CASK: variants seen among roughly 807,000 people sequenced by gnomAD.
The protein encoded by CASK is calcium/calmodulin dependent serine protein kinase.
CASK carries 4 observed loss-of-function variants against 82.9 expected under a neutral mutation model. The ratio of observed to expected loss-of-function variants is 0.05; its 90% CI spans 0.02 to 0.11. CASK has a LOEUF of 0.11. Ranked by LOEUF, CASK falls within the 10% of genes least tolerant of loss-of-function variation. CASK has a pLI of 1.00. For missense variants in CASK, 358 were observed against 720.9 expected (o/e 0.50, Z 5.76); for synonymous variants, 259 against 253.5 (o/e 1.02, Z -0.20).
chrX:41,914,728 C>T (rs2072641785), intron 1 of CASK, among the ~76,000 whole-genome samples: 1 of 112,116 alleles, frequency 8.9e-6, no homozygotes, highest in Non-Finnish European at 1.9e-5. Context: ...GACAGTCATG[C>T]ACAAGCTCGG....
At chrX:41,800,832 G>GA (rs1361313536) in intron 2 of CASK, among the ~76,000 whole-genome samples, 1 of 111,543 alleles carries the variant, frequency 9.0e-6, no homozygotes, top group African/African-American at 3.3e-5. Context: ...ATTTTAATTG[G>GA]ATCAGACTAT....
intron 2 of CASK, among the ~76,000 whole-genome samples, chrX:41,818,319 A>AGG (rs2070455146): frequency 9.0e-6 from 1 of 110,883 alleles, no homozygotes; most frequent in East Asian, 2.8e-4. Context: ...ATAAAACTAC[A>AGG]GGGCTGGGTG....
chrX:41,543,150 A>C (rs997056594), intron 21 of CASK, among the ~76,000 whole-genome samples: 1 of 112,370 alleles, frequency 8.9e-6, no homozygotes, highest in Non-Finnish European at 1.9e-5. Context: ...TGAGCACTTA[A>C]TGTTAGACAC....
rs1232433644 is a variant in CASK, at chrX:41,854,222, GCGCACACACA to G, written c.60-1005_60-996del. ...GGAACATGCGCGCGCGCGCGGGCGCGCGCACACACACACACACACACACACACACACACAC... is the reference window on the plus strand; with the variant it reads ...GGAACATGCGCGCGCGCGCGGGCGCGCACACACACACACACACACACACAC... On this transcript the variant is annotated intron_variant, in intron 1 of 26. Transcript: ENST00000378163. Among the ~76,000 whole-genome samples, 805 of 83,469 alleles carry G rather than the reference GCGCACACACA, an allele frequency of 9.6e-3. 10 individuals are homozygous for G. The highest frequency in any genetic ancestry group is 0.038 in the African/African-American group (762 of 20,095). The allele number at this position is 83,469 out of a possible 115,157, so 72.5% of individuals were successfully genotyped here. A position where few individuals can be genotyped will look rare whatever the true frequency, so the allele number is the denominator to read the frequency against.
chrX:41,803,145 G>GA (rs2070037683), intron 2 of CASK, among the ~76,000 whole-genome samples: 1 of 111,509 alleles, frequency 9.0e-6, no homozygotes, highest in African/African-American at 3.3e-5. Context: ...AACTTACAAT[G>GA]AAACAGATGA....
chrX:41,589,602 A>G lies in CASK; in HGVS notation c.1156-10T>C, dbSNP rs764423285. ...TAATTTTGTCATACAGCTAAAAAGC[A>G]AAGAAGAAAATCCAGTAAACACTCA... On this transcript the variant is annotated splice_polypyrimidine_tract_variant and intron_variant, in intron 12 of 26. Transcript: ENST00000378163. The G allele has an allele frequency of 8.8e-7, 1 of 1,138,063 alleles. No individual in the cohort carries two copies. The highest frequency in any genetic ancestry group is 1.2e-6 in the Non-Finnish European group (1 of 829,010). The allele number at this position is 1,138,063 out of a possible 1,213,427, so 93.8% of individuals were successfully genotyped here.
intron 13 of CASK, among the ~76,000 whole-genome samples, chrX:41,588,966 T>C (rs947568211): frequency 8.9e-6 from 1 of 111,995 alleles, no homozygotes; most frequent in Non-Finnish European, 1.9e-5. Context: ...GAAAACGATA[T>C]ATAAAAATGG....
chrX:41,821,791 C>G (rs1254445171), intron 2 of CASK, among the ~76,000 whole-genome samples: 1 of 111,936 alleles, frequency 8.9e-6, no homozygotes, highest in Non-Finnish European at 1.9e-5. Flanking sequence ...CAATATTTGC[C>G]CTTGGAACTC....
At chrX:41,753,250 T>G (rs2068827682) in intron 3 of CASK, among the ~76,000 whole-genome samples, 1 of 111,463 alleles carries the variant, frequency 9.0e-6, no homozygotes, top group Non-Finnish European at 1.9e-5. Context: ...TCTTTTTACC[T>G]TTACTTTTAA....
intron 5 of CASK, among the ~76,000 whole-genome samples, chrX:41,726,330 A>G (rs1465792046): frequency 8.9e-6 from 1 of 112,011 alleles, no homozygotes; most frequent in Admixed American, 9.4e-5. Context: ...AGGACATTTT[A>G]AATATTCTTT....
intron 15 of CASK, among the ~76,000 whole-genome samples, chrX:41,571,285 C>A (rs2065408529): frequency 9.0e-6 from 1 of 111,533 alleles, no homozygotes; most frequent in South Asian, 3.7e-4. Flanking sequence ...CCAGTGAAGC[C>A]ATCTTGACCT....
At chrX:41,886,169 T>C (rs973616117) in intron 1 of CASK, among the ~76,000 whole-genome samples, 1 of 111,783 alleles carries the variant, frequency 8.9e-6, no homozygotes, top group African/African-American at 3.2e-5. Context: ...ATTCAAGTCT[T>C]AGTGCCTAGG....
intron 8 of CASK, among the ~76,000 whole-genome samples, chrX:41,641,325 C>T (rs1033588833): frequency 1.8e-5 from 2 of 111,763 alleles, no homozygotes; most frequent in Admixed American, 1.9e-4. Flanking sequence ...CCCTTGTGCA[C>T]ATGAGATTTG....
intron 1 of CASK, among the ~76,000 whole-genome samples, chrX:41,860,447 G>T (rs778954245): frequency 8.9e-5 from 10 of 111,844 alleles, no homozygotes; most frequent in Non-Finnish European, 1.9e-4. Flanking sequence ...GATAACGATG[G>T]TCTGTTCCCT....
chrX:41,849,186 A>G (rs2071213281), intron 2 of CASK, among the ~76,000 whole-genome samples: 1 of 111,813 alleles, frequency 8.9e-6, no homozygotes, highest in East Asian at 2.8e-4. Context: ...TTGGACTTTT[A>G]TAATAAACCA....
At chrX:41,612,942 T>C (rs1251887378) in intron 11 of CASK, among the ~76,000 whole-genome samples, 6 of 80,075 alleles carry the variant, frequency 7.5e-5, no homozygotes, top group African/African-American at 1.4e-4. Flanking sequence ...CGCCTCTGCC[T>C]GGCCGCCCCT....
intron 5 of CASK, among the ~76,000 whole-genome samples, chrX:41,712,473 C>T (rs933022215): frequency 1.8e-5 from 2 of 112,513 alleles, no homozygotes; most frequent in African/African-American, 3.2e-5. Context: ...ATTGAAACTG[C>T]CTTTGCAAAA....
In CASK at chrX:41,561,656, T is replaced by C; in HGVS notation, c.1583-12A>G. On this transcript the variant is annotated splice_polypyrimidine_tract_variant and intron_variant, in intron 16 of 26. Transcript: ENST00000378163. ...AACATGAAGTGTACCTAAGAAATTATATAACATTATAAACATGAAATGATA... is the reference window on the plus strand; with the variant it reads ...AACATGAAGTGTACCTAAGAAATTACATAACATTATAAACATGAAATGATA... The C allele has an allele frequency of 1.2e-5, 13 of 1,067,980 alleles. No homozygotes were observed. Among genetic ancestry groups the C allele is most frequent in the African/African-American group, 1.8e-5 (1 of 55,190 alleles). The allele number at this position is 1,067,980 out of a possible 1,213,427, so 88.0% of individuals were successfully genotyped here. A position where few individuals can be genotyped will look rare whatever the true frequency, so the allele number is the denominator to read the frequency against.
At chrX:41,690,169 C>T (rs1198898263) in intron 5 of CASK, among the ~76,000 whole-genome samples, 2 of 111,263 alleles carry the variant, frequency 1.8e-5, no homozygotes, top group Non-Finnish European at 3.8e-5. Flanking sequence ...CCTATGTAAA[C>T]ACAGTGGTTT....
Sources: allele counts gnomAD v4.1 joint callset (sites outside exome capture counted in the v4.1 genomes callset), GRCh38; gene constraint gnomAD v4.1.1; transcripts MANE v1.5; gene names NCBI Gene and HGNC (gene_info 2026-07-23, HGNC 2026-07-21).